Variants in CREB3L2 observed in about 807,000 individuals in gnomAD.
CREB3L2 encodes the protein cAMP responsive element binding protein 3 like 2.
CREB3L2 carries 23 observed loss-of-function variants against 57.2 expected under a neutral mutation model. That is an observed-to-expected ratio of 0.40 (90% CI 0.29 to 0.57). CREB3L2 has a LOEUF of 0.57. Among genes scored for constraint, CREB3L2 ranks in the 20% least tolerant of loss-of-function variants. The pLI is 0.42. For synonymous variants in CREB3L2, 268 were observed against 265.1 expected (o/e 1.01, Z -0.11); for missense variants, 628 against 634.7 (o/e 0.99, Z 0.11).
intron 1 of CREB3L2, among the ~76,000 whole-genome samples, chr7:137,979,892 C>A (rs1585674129): frequency 6.6e-6 from 1 of 152,282 alleles, no homozygotes; most frequent in Non-Finnish European, 1.5e-5. Context: ...TAGAACAGAT[C>A]CCCAAGAAGG....
At chr7:137,897,290 A>G (rs273942) in intron 8 of CREB3L2, among the ~76,000 whole-genome samples, 100,409 of 152,016 alleles carry the variant, frequency 0.66, 33,709 homozygotes, top group Admixed American at 0.75. Flanking sequence ...CTGCTTTAAC[A>G]GGTGGCTAAG....
intron 1 of CREB3L2, among the ~76,000 whole-genome samples, chr7:137,983,678 C>T (rs957250069): frequency 1.3e-5 from 2 of 152,214 alleles, no homozygotes; most frequent in Non-Finnish European, 2.9e-5. Context: ...CCCGGCCTGG[C>T]CACTCCGTTT....
chr7:137,974,751 G>C (rs1334644336), intron 1 of CREB3L2, among the ~76,000 whole-genome samples: 1 of 152,194 alleles, frequency 6.6e-6, no homozygotes, highest in East Asian at 1.9e-4. Flanking sequence ...AGTTAGGAGA[G>C]AATGACATCA....
At chr7:137,925,617 C>A (rs796593626) in intron 2 of CREB3L2, among the ~76,000 whole-genome samples, 1 of 152,100 alleles carries the variant, frequency 6.6e-6, no homozygotes, top group Non-Finnish European at 1.5e-5. Context: ...CCCTACAGAT[C>A]GCCACCTTAA....
chr7:137,902,776 TA>T (rs1799790614), intron 7 of CREB3L2, among the ~76,000 whole-genome samples: 2 of 138,286 alleles, frequency 1.4e-5, no homozygotes, highest in African/African-American at 2.8e-5. Flanking sequence ...ATAGTTGTAT[TA>T]TTTTTTATTG....
intron 3 of CREB3L2, among the ~76,000 whole-genome samples, chr7:137,914,950 G>C (rs1182785005): frequency 1.3e-5 from 2 of 151,910 alleles, no homozygotes; most frequent in Non-Finnish European, 2.9e-5. Context: ...CTGGAGTGCA[G>C]TGCCTCGATC....
intron 1 of CREB3L2, among the ~76,000 whole-genome samples, chr7:137,988,260 C>T (rs960472709): frequency 3.3e-5 from 5 of 152,238 alleles, no homozygotes; most frequent in Non-Finnish European, 4.4e-5. Context: ...AATCCAGCCA[C>T]GGCACGTGGG....
chr7:137,890,716 G>C (rs2007564), intron 8 of CREB3L2, among the ~76,000 whole-genome samples: 1 of 151,910 alleles, frequency 6.6e-6, no homozygotes, highest in African/African-American at 2.4e-5. Context: ...CTGTGACCTC[G>C]TAACTGATAT....
In CREB3L2 at chr7:137,880,385, T is replaced by A; in HGVS notation, c.*91A>T. ...ATGCTTGCCCATGTCTCCATGAAGA[T>A]CCAGTGGCAAAGAGGAAAAGCTGAT... On this transcript the variant is annotated 3_prime_UTR_variant, in exon 12 of 12. Transcript: ENST00000330387. The surrounding 1 kb of genome is among the most constrained non-coding windows in gnomAD (Gnocchi z 4.0). The A allele has an allele frequency of 1.9e-6, 2 of 1,031,276 alleles. No individual in the cohort carries two copies. Among genetic ancestry groups the A allele is most frequent in the Non-Finnish European group, 3.0e-6 (2 of 670,658 alleles). The allele number at this position is 1,031,276 out of a possible 1,614,324, so 63.9% of individuals were successfully genotyped here. A position where few individuals can be genotyped will look rare whatever the true frequency, so the allele number is the denominator to read the frequency against.
At position 137,885,433 on chromosome 7, in the gene CREB3L2, TAACTTGCAGGTTCGAGA is replaced by T. The variant is rs773498668; in HGVS notation, c.1096_1112del (p.Arg367TrpfsTer83). The T allele has an allele frequency of 6.2e-7, 1 of 1,614,160 alleles. No homozygotes were observed. The highest frequency in any genetic ancestry group is 8.5e-7 in the Non-Finnish European group (1 of 1,180,000). On this transcript the variant is annotated frameshift_variant, in exon 9 of 12. Transcript: ENST00000330387. LOFTEE classifies it high-confidence loss of function. ...GGCAGGTGCCAGTCTGCGTGCCAGC[TAACTTGCAGGTTCGAGA>T]AACCTTGCCCATCACCAAAGTCTGA...
chr7:137,989,193 C>T (rs1801843106), intron 1 of CREB3L2, among the ~76,000 whole-genome samples: 1 of 152,146 alleles, frequency 6.6e-6, no homozygotes. Flanking sequence ...CGTGCTCTCG[C>T]CTGGAAACCA....
intron 1 of CREB3L2, among the ~76,000 whole-genome samples, chr7:137,970,462 C>G (rs1003608422): frequency 3.3e-5 from 5 of 152,178 alleles, no homozygotes; most frequent in Non-Finnish European, 7.3e-5. Flanking sequence ...TGACATTTCT[C>G]CACCAAATAA....
chr7:137,901,014 GCTT>G (rs1417398468), intron 8 of CREB3L2, among the ~76,000 whole-genome samples: 1 of 152,112 alleles, frequency 6.6e-6, no homozygotes, highest in Non-Finnish European at 1.5e-5. Flanking sequence ...GTCATGATCA[GCTT>G]CTTCTTCAAT....
intron 1 of CREB3L2, among the ~76,000 whole-genome samples, chr7:137,950,237 A>T (rs1197142511): frequency 1.4e-4 from 21 of 152,138 alleles, no homozygotes; most frequent in Non-Finnish European, 1.5e-5. Flanking sequence ...GGGTCATATG[A>T]GGGGTACTGT....
chr7:137,887,447 GC>G (rs1394169431), intron 8 of CREB3L2, among the ~76,000 whole-genome samples: 1 of 152,166 alleles, frequency 6.6e-6, no homozygotes, highest in Non-Finnish European at 1.5e-5. Flanking sequence ...GGTGGCTCAC[GC>G]CTGTAATCCC....
At chr7:137,915,772 G>T in intron 3 of CREB3L2, 65 bp downstream of exon 3, 1 of 1,416,696 alleles carries the variant, frequency 7.1e-7, no homozygotes, top group Non-Finnish European at 9.7e-7. Flanking sequence ...ACACCTTATT[G>T]GAGAATGAGG....
rs117364453 is a variant in CREB3L2, at chr7:137,894,121, T to A, written c.1043+7233A>T. Among the ~76,000 whole-genome samples the A allele has an allele frequency of 3.7e-3, 567 of 152,326 alleles. 2 individuals are homozygous for A. Among genetic ancestry groups the A allele is most frequent in the Non-Finnish European group, 6.6e-3 (452 of 68,034 alleles). Reference sequence around the variant, plus strand: ...CACTGCTCTTTTATGATGGGCCACCTCTCAAGGTTGTTATGAAGCTGGTAA... The same window carrying A: ...CACTGCTCTTTTATGATGGGCCACCACTCAAGGTTGTTATGAAGCTGGTAA... On this transcript the variant is annotated intron_variant, in intron 8 of 11. Coordinates refer to ENST00000330387, the MANE Select transcript of CREB3L2 (RefSeq NM_194071.4).
intron 1 of CREB3L2, among the ~76,000 whole-genome samples, chr7:137,949,001 G>A (rs1163311423): frequency 6.6e-6 from 1 of 152,200 alleles, no homozygotes; most frequent in Admixed American, 6.5e-5. Context: ...ACACAAGAAT[G>A]GAACAAAGTT....
intron 2 of CREB3L2, among the ~76,000 whole-genome samples, chr7:137,922,417 T>TATATATATATATATATATATATATATAC (rs1563253290): frequency 4.2e-5 from 1 of 24,090 alleles, no homozygotes. Flanking sequence ...TATATATATG[T>TATATATATATATATATATATATATATAC]ATATATATAT....
Sources: gnomAD v4.1 joint callset for allele counts (sites outside exome capture counted in the v4.1 genomes callset) on GRCh38, gnomAD v4.1.1 for gene constraint, Gnocchi (gnomAD v3.1) non-coding constraint, MANE v1.5 for transcripts, NCBI Gene and HGNC (gene_info 2026-07-23, HGNC 2026-07-21) for gene names.